Variants in PCDHGA4 observed in about 807,000 individuals in gnomAD.
PCDHGA4 encodes protocadherin gamma-A4.
A neutral mutation model predicts 54.6 loss-of-function variants in PCDHGA4; 38 were observed. The ratio of observed to expected loss-of-function variants is 0.70; its 90% CI spans 0.54 to 0.91. PCDHGA4 has a LOEUF of 0.91. Ranked by LOEUF, PCDHGA4 falls within the 40% of genes least tolerant of loss-of-function variation. The pLI is 0.00. For synonymous variants in PCDHGA4, 511 were observed against 512.9 expected (o/e 1.00, Z 0.05); for missense variants, 1,298 against 1,220.9 (o/e 1.06, Z -0.94).
Position 141,400,130 on chromosome 5 carries a change from T to C in PCDHGA4, c.2514+42509T>C, listed in dbSNP as rs369250985. On this transcript the variant is annotated intron_variant, in intron 1 of 3. Transcript: ENST00000571252. ...TTTGCTGACAGCTTGCAGGAGGTGC[T>C]GCCGGATATCACTGACCGCCCTGTA... is the stretch of plus-strand genomic sequence containing the variant. The C allele has an allele frequency of 1.9e-6, 3 of 1,613,954 alleles. No individual in the cohort carries two copies. The African/African-American group carries it at 4.0e-5, about 22-fold the overall frequency.
At chr5:141,409,885 G>A in intron 1 of PCDHGA4, 1 of 1,613,110 alleles carries the variant, frequency 6.2e-7, no homozygotes. Flanking sequence ...ACGCACCGCG[G>A]GTGCTGTACC....
At chr5:141,423,838 T>G in intron 1 of PCDHGA4, 1 of 1,279,552 alleles carries the variant, frequency 7.8e-7, no homozygotes, top group South Asian at 3.5e-5. Context: ...GAGATTACGA[T>G]AATCTTTCAG....
intron 1 of PCDHGA4, chr5:141,399,237 A>G: frequency 6.2e-7 from 1 of 1,614,002 alleles, no homozygotes; most frequent in South Asian, 1.1e-5. Context: ...TACATGACCA[A>G]GATTCTGGGG....
Position 141,432,837 on chromosome 5 carries a change from T to C in PCDHGA4, c.2515-61970T>C. On this transcript the variant is annotated intron_variant, in intron 1 of 3. Transcript: ENST00000571252. This position sits in a 1 kb window ranked among gnomAD's most constrained non-coding sequence, Gnocchi z 6.0. ...GAAACCTCAGACCTCACTCTGTACC[T>C]GGTGGTAGCGGTGGCCGCGGTCTCC... The C allele has an allele frequency of 6.2e-7, 1 of 1,614,180 alleles. No individual in the cohort carries two copies. Among genetic ancestry groups the C allele is most frequent in the Non-Finnish European group, 8.5e-7 (1 of 1,180,004 alleles).
rs551414580 is a variant in PCDHGA4, at chr5:141,493,693, C to T, written c.2515-1114C>T. ...GCCCCAGAATGGTGCTGGTGACTCC[C>T]GATACACCTGGAATGCTAGGTTTCT... On this transcript the variant is annotated intron_variant, in intron 1 of 3. Coordinates refer to ENST00000571252, the MANE Select transcript of PCDHGA4 (RefSeq NM_018917.4). This position sits in a 1 kb window ranked among gnomAD's most constrained non-coding sequence, Gnocchi z 4.3. 5.3e-5 allele frequency among the ~76,000 whole-genome samples: 8 copies of T among 152,168 alleles called. No individual in the cohort carries two copies. Among genetic ancestry groups the T allele is most frequent in the Non-Finnish European group, 1.0e-4 (7 of 68,032 alleles).
At chr5:141,360,307 G>C in intron 1 of PCDHGA4, 2 of 1,613,880 alleles carry the variant, frequency 1.2e-6, no homozygotes, top group Non-Finnish European at 1.7e-6. Context: ...GGGGCTCAGC[G>C]TCCGGGACTT....
chr5:141,366,150 G>T, intron 1 of PCDHGA4: 4 of 1,614,136 alleles, frequency 2.5e-6, no homozygotes, highest in Non-Finnish European at 3.4e-6. Flanking sequence ...CTGTCCTACC[G>T]CCTGCTTAAG....
chr5:141,467,907 C>A (rs1166486426), intron 1 of PCDHGA4, among the ~76,000 whole-genome samples: 1 of 152,156 alleles, frequency 6.6e-6, no homozygotes, highest in Non-Finnish European at 1.5e-5. Flanking sequence ...AATCCGCCCA[C>A]CTCAGCCTCC....
In PCDHGA4 at chr5:141,360,423, C is replaced by A. The variant is rs760359468; in HGVS notation, c.2514+2802C>A. On this transcript the variant is annotated intron_variant, in intron 1 of 3. Coordinates refer to ENST00000571252, the MANE Select transcript of PCDHGA4 (RefSeq NM_018917.4). Reference sequence around the variant, plus strand: ...ACAGAATAGACCGAGAACAGATATGCGGGAAGCAGCCTCTGTGTGTTCTGG... The same window carrying A: ...ACAGAATAGACCGAGAACAGATATGAGGGAAGCAGCCTCTGTGTGTTCTGG... 1.4e-5 allele frequency: 23 copies of A among 1,613,790 alleles called. No individual in the cohort carries two copies. The Admixed American group carries it at 2.2e-4, about 15-fold the overall frequency.
chr5:141,476,596 C>T lies in PCDHGA4; in HGVS notation c.2515-18211C>T. 1 of 1,614,224 alleles carries T rather than the reference C, an allele frequency of 6.2e-7. No homozygotes were observed. Among genetic ancestry groups the T allele is most frequent in the Non-Finnish European group, 8.5e-7 (1 of 1,180,038 alleles). On this transcript the variant is annotated intron_variant, in intron 1 of 3. Coordinates refer to ENST00000571252, the MANE Select transcript of PCDHGA4 (RefSeq NM_018917.4). The surrounding 1 kb of genome is among the most constrained non-coding windows in gnomAD (Gnocchi z 7.6). The stretch of plus-strand genomic sequence containing the variant: ...CGCGCTTTCCGCTCGAGAGCGCGCA[C>T]GATCCCGATGTGGGAAGCAACTCTT...
chr5:141,407,505 T>TTTTTTTTTTTTTTTTTTTTTTTTTTGAG (rs1460306566), intron 1 of PCDHGA4, among the ~76,000 whole-genome samples: 1 of 152,146 alleles, frequency 6.6e-6, no homozygotes, highest in Non-Finnish European at 1.5e-5. Context: ...CTGTTTTTCT[T>TTTTTTTTTTTTTTTTTTTTTTTTTTGAG]AGGCTATGTA....
At chr5:141,370,896 C>G in intron 1 of PCDHGA4, 1 of 1,614,040 alleles carries the variant, frequency 6.2e-7, no homozygotes, top group Non-Finnish European at 8.5e-7. Context: ...CAATTCGCTG[C>G]AGCAGTACTA....
At chr5:141,388,703 C>T in intron 1 of PCDHGA4, 1 of 1,613,982 alleles carries the variant, frequency 6.2e-7, no homozygotes, top group Non-Finnish European at 8.5e-7. Context: ...ATGAGGGTGT[C>T]AATGCCGAGA....
intron 1 of PCDHGA4, among the ~76,000 whole-genome samples, chr5:141,445,180 GT>G (rs745433969): frequency 6.6e-6 from 1 of 152,148 alleles, no homozygotes; most frequent in Non-Finnish European, 1.5e-5. Flanking sequence ...GAAAAACTAT[GT>G]TTTTATGTAT....
At chr5:141,415,859 T>C in intron 1 of PCDHGA4, 1 of 1,187,664 alleles carries the variant, frequency 8.4e-7, no homozygotes, top group Non-Finnish European at 1.1e-6. Context: ...CCTTGTAGTT[T>C]ATAGTGTTGT....
chr5:141,419,419 C>A (rs767018815), intron 1 of PCDHGA4: 1 of 1,613,384 alleles, frequency 6.2e-7, no homozygotes. Context: ...AGCGCGCCTT[C>A]GACCACGAGC....
chr5:141,361,600 T>C, intron 1 of PCDHGA4: 1 of 1,614,024 alleles, frequency 6.2e-7, no homozygotes, highest in Non-Finnish European at 8.5e-7. Context: ...CCAAGTTTCC[T>C]ACTCCATCGT....
intron 1 of PCDHGA4, chr5:141,468,497 C>T (rs1033597673): frequency 2.0e-5 from 3 of 152,074 alleles, no homozygotes; most frequent in Non-Finnish European, 4.4e-5. Context: ...GGAAGATTTT[C>T]ATGTGGACAA....
chr5:141,442,898 TCTC>T (rs1427810429), intron 1 of PCDHGA4, among the ~76,000 whole-genome samples: 14 of 152,222 alleles, frequency 9.2e-5, no homozygotes, highest in Admixed American at 9.2e-4. Context: ...GCTTATCACT[TCTC>T]CTTCAGCACA....
Sources: allele counts gnomAD v4.1 joint callset (sites outside exome capture counted in the v4.1 genomes callset), GRCh38; gene constraint gnomAD v4.1.1; non-coding constraint Gnocchi (gnomAD v3.1); transcripts MANE v1.5; gene names NCBI Gene and HGNC (gene_info 2026-07-23, HGNC 2026-07-21).